RSF1: variants seen among roughly 807,000 people sequenced by gnomAD.
RSF1 encodes the protein remodeling and spacing factor 1.
A neutral mutation model predicts 145.2 loss-of-function variants in RSF1; 13 were observed. The observed-to-expected ratio is 0.09, with a 90% CI of 0.06 to 0.14. The LOEUF is 0.14. Among genes scored for constraint, RSF1 ranks in the 10% least tolerant of loss-of-function variants. The probability of loss-of-function intolerance (pLI) is 1.00; values close to 1 mark genes in which losing one functional copy is unlikely to be tolerated. For synonymous variants in RSF1, 577 were observed against 592.6 expected (o/e 0.97, Z 0.38); for missense variants, 1,517 against 1,718.2 (o/e 0.88, Z 2.07).
intron 4 of RSF1, among the ~76,000 whole-genome samples, chr11:77,731,283 AAGG>A (rs1961201517): frequency 6.6e-6 from 1 of 152,154 alleles, no homozygotes; most frequent in Admixed American, 6.5e-5. Context: ...TTTGAACATG[AAGG>A]AGATGATTTA....
chr11:77,683,902 T>C (rs535148978), intron 10 of RSF1, 83 bp from the exon 11 acceptor site: 595 of 997,624 alleles, frequency 6.0e-4, no homozygotes, highest in Non-Finnish European at 8.2e-4. Flanking sequence ...GTAATCTCCA[T>C]TTAGGTAGCA....
At chr11:77,682,475 G>C (rs1734660187) in intron 11 of RSF1, among the ~76,000 whole-genome samples, 1 of 152,178 alleles carries the variant, frequency 6.6e-6, no homozygotes, top group Non-Finnish European at 1.5e-5. Flanking sequence ...TTAGTGGAAA[G>C]AACACTAGAC....
intron 1 of RSF1, among the ~76,000 whole-genome samples, chr11:77,809,483 T>C (rs536913938): frequency 3.5e-4 from 53 of 152,308 alleles, no homozygotes; most frequent in African/African-American, 1.3e-3. Flanking sequence ...GAGATATAGT[T>C]ATCATGGTGA....
Position 77,820,533 on chromosome 11 carries a change from C to G in RSF1, c.182G>C (p.Gly61Ala). ...CGTTCGGGCCCCTCGCTTACCTTCTCCGTTGCCGACGTCCGGCGGCGGCGC... is the reference window on the plus strand; with the variant it reads ...CGTTCGGGCCCCTCGCTTACCTTCTGCGTTGCCGACGTCCGGCGGCGGCGC... ...LQAPPPDVGN[G>A]EVPKELVELH... The change falls in exon 1 of 16, where the codon GGA becomes GCA. Residue 61 changes from glycine to alanine, a missense_variant. By Grantham distance (60) the Gly-to-Ala change is moderately conservative. Around this residue, in one of 12 missense-constraint regions of RSF1, gnomAD observed 85 missense variants for 91.8 expected, o/e 0.93. Coordinates refer to ENST00000308488, the MANE Select transcript of RSF1 (RefSeq NM_016578.4). 1.3e-6 allele frequency: 2 copies of G among 1,547,940 alleles called. No homozygotes were observed. Among genetic ancestry groups the G allele is most frequent in the Non-Finnish European group, 1.7e-6 (2 of 1,146,644 alleles).
chr11:77,870,059 CA>C, the RSF1 span: 2 of 311,980 alleles, frequency 6.4e-6, no homozygotes. Flanking sequence ...CTACAAGGAT[CA>C]CTATTTGGTC....
intron 1 of RSF1, among the ~76,000 whole-genome samples, chr11:77,797,634 A>T (rs1948585733): frequency 6.6e-6 from 1 of 152,228 alleles, no homozygotes; most frequent in South Asian, 2.1e-4. Context: ...ACTAAAAGCA[A>T]TGGCAACAAA....
At position 77,664,900 on chromosome 11, in the gene RSF1, G is replaced by A. The variant is rs1959323956; in HGVS notation, c.*2017C>T. The A allele has an allele frequency of 1.3e-5, 2 of 152,146 alleles. No individual in the cohort carries two copies. The highest frequency in any genetic ancestry group is 2.1e-4 in the South Asian group (1 of 4,826). 9.4% of individuals were successfully genotyped at this position (152,146 alleles called of 1,614,324 possible). On this transcript the variant is annotated 3_prime_UTR_variant, in exon 16 of 16. Coordinates refer to ENST00000308488, the MANE Select transcript of RSF1 (RefSeq NM_016578.4). Reference sequence around the variant, plus strand: ...CTTCCCTCCCTTCCAGTGGAACACTGTCTCAAAATAAAAATCACAACTTAC... The same window carrying A: ...CTTCCCTCCCTTCCAGTGGAACACTATCTCAAAATAAAAATCACAACTTAC...
At chr11:77,846,132 A>G in the RSF1 span, among the ~76,000 whole-genome samples, 1 of 152,010 alleles carries the variant, frequency 6.6e-6, no homozygotes, top group African/African-American at 2.4e-5. Context: ...ATGTGGTTCT[A>G]TAAAGTCTGT....
chr11:77,676,447 T>C (rs955801900), intron 13 of RSF1, among the ~76,000 whole-genome samples: 6 of 152,140 alleles, frequency 3.9e-5, no homozygotes, highest in Admixed American at 1.3e-4. Context: ...GAGGATAATA[T>C]CTTATTTATT....
At chr11:77,734,298 TTACTTTTTTTG>T (rs1961282323) in intron 4 of RSF1, among the ~76,000 whole-genome samples, 1 of 121,168 alleles carries the variant, frequency 8.3e-6, no homozygotes, top group Non-Finnish European at 1.6e-5. Flanking sequence ...ATTATTATTA[TTACTTTTTTTG>T]GGGGGGGGTA....
At chr11:77,813,089 T>C (rs1948746203) in intron 1 of RSF1, among the ~76,000 whole-genome samples, 1 of 152,134 alleles carries the variant, frequency 6.6e-6, no homozygotes, top group African/African-American at 2.4e-5. Flanking sequence ...CTGCTTCTTC[T>C]GTTTATTAAC....
intron 11 of RSF1, 108 bp from the exon 12 acceptor site, chr11:77,678,261 G>C: frequency 1.7e-6 from 1 of 578,176 alleles, no homozygotes. Context: ...TTTGTTGCCA[G>C]GCTGGAGTGC....
At chr11:77,674,822 A>T (rs1959649964) in intron 14 of RSF1, among the ~76,000 whole-genome samples, 1 of 152,086 alleles carries the variant, frequency 6.6e-6, no homozygotes, top group Non-Finnish European at 1.5e-5. Context: ...CAACATGGAG[A>T]AACTCCCTCT....
At chr11:77,754,042 T>C (rs1254397985) in intron 2 of RSF1, among the ~76,000 whole-genome samples, 1 of 152,228 alleles carries the variant, frequency 6.6e-6, no homozygotes, top group Non-Finnish European at 1.5e-5. Context: ...ATAATAATTA[T>C]GACTCTGGTC....
chr11:77,798,133 T>C (rs2135973981), intron 1 of RSF1, among the ~76,000 whole-genome samples: 1 of 152,302 alleles, frequency 6.6e-6, no homozygotes, highest in South Asian at 2.1e-4. Flanking sequence ...GAAATACCAT[T>C]TGACCCAGCG....
At chr11:77,727,464 C>A (rs866788182) in intron 4 of RSF1, among the ~76,000 whole-genome samples, 1 of 142,116 alleles carries the variant, frequency 7.0e-6, no homozygotes, top group East Asian at 2.1e-4. Context: ...ATTTCAATTA[C>A]TTCCACTACT....
intron 1 of RSF1, among the ~76,000 whole-genome samples, chr11:77,770,623 A>C (rs1348634141): frequency 6.6e-6 from 1 of 152,226 alleles, no homozygotes; most frequent in Non-Finnish European, 1.5e-5. Flanking sequence ...TCCATTGAGA[A>C]TCATACTGTT....
rs1316288129 is a variant in RSF1 at position 77,667,334 on chromosome 11, A to G, written c.3909T>C (p.Ile1303=). Reference sequence around the variant, plus strand: ...CACAACTCTCCTCCTCATCCGTCTCAATCCGGTGTAGCCGTTTGCGGGATG... The same window carrying G: ...CACAACTCTCCTCCTCATCCGTCTCGATCCGGTGTAGCCGTTTGCGGGATG... ...GKPSRKRLHR[I]ETDEEESCDN... The change falls in exon 16 of 16, where the codon ATT becomes ATC. Residue 1303 remains isoleucine, a synonymous_variant. Transcript: ENST00000308488. The G allele has an allele frequency of 6.2e-7, 1 of 1,613,970 alleles. No individual in the cohort carries two copies. The highest frequency in any genetic ancestry group is 8.5e-7 in the Non-Finnish European group (1 of 1,179,916).
At chr11:77,867,839 T>G in the RSF1 span, among the ~76,000 whole-genome samples, 1 of 152,212 alleles carries the variant, frequency 6.6e-6, no homozygotes, top group African/African-American at 2.4e-5. Flanking sequence ...TCAGAGTGAT[T>G]GGTAGGTTTT....
Sources: gnomAD v4.1 joint callset for allele counts (sites outside exome capture counted in the v4.1 genomes callset) on GRCh38, gnomAD v4.1.1 for gene constraint, gnomAD v4.1.1 regional missense constraint, MANE v1.5 for transcripts, NCBI Gene and HGNC (gene_info 2026-07-23, HGNC 2026-07-21) for gene names.